The following ADAMTS14 variants were observed in gnomAD, a reference collection of about 807,000 sequenced individuals.
The protein encoded by ADAMTS14 is A disintegrin and metalloproteinase with thrombospondin motifs 14.
ADAMTS14 carries 100 observed loss-of-function variants against 128.6 expected under a neutral mutation model. The observed-to-expected ratio is 0.78, with a 90% CI of 0.66 to 0.92. The LOEUF is 0.92. ADAMTS14 is among the 40% of genes least tolerant of loss of function. ADAMTS14 has a pLI of 0.00. For missense variants in ADAMTS14, 1,562 were observed against 1,658.6 expected, an observed-to-expected ratio of 0.94 and a Z score of 1.01; for synonymous variants, 665 against 653.8, an observed-to-expected ratio of 1.02 and a Z score of -0.26.
intron 2 of ADAMTS14, among the ~76,000 whole-genome samples, chr10:70,676,407 C>T (rs1258244298): frequency 6.6e-6 from 1 of 152,146 alleles, no homozygotes; most frequent in Non-Finnish European, 1.5e-5. Flanking sequence ...TTTGCCTTCC[C>T]CAGAATAAAT....
In ADAMTS14 at chr10:70,672,781, G is replaced by A; in HGVS notation, c.-22G>A. The A allele has an allele frequency of 6.7e-7, 1 of 1,496,610 alleles. No individual in the cohort carries two copies. Among genetic ancestry groups the A allele is most frequent in the East Asian group, 2.9e-5 (1 of 34,914 alleles). The allele number at this position is 1,496,610 out of a possible 1,614,324, so 92.7% of individuals were successfully genotyped here. On this transcript the variant is annotated 5_prime_UTR_variant, in exon 1 of 22. Transcript: ENST00000373207. ...GACTTGGGGATCGGGCGCTTGCCCA[G>A]CCCGCGTCCCAGCGCGGCCACATGG...
intron 16 of ADAMTS14, 142 bp from the exon 17 acceptor site, chr10:70,751,336 C>A (rs1193666436): frequency 1.2e-6 from 1 of 817,308 alleles, no homozygotes; most frequent in Non-Finnish European, 1.9e-6. Flanking sequence ...TACCATACCC[C>A]AGCCATGCTG....
Position 70,703,609 on chromosome 10 carries a change from C to T in ADAMTS14, c.679+1141C>T, listed in dbSNP as rs572135467. The stretch of plus-strand genomic sequence containing the variant: ...CTCTCCACCAGGGTTGAGAAGAGGG[C>T]TGAGTCTCCCCTGGGCTCCATTTTT... On this transcript the variant is annotated intron_variant, in intron 3 of 21. Coordinates refer to ENST00000373207, the MANE Select transcript of ADAMTS14 (RefSeq NM_080722.4). Among the ~76,000 whole-genome samples the T allele has an allele frequency of 2.0e-5, 3 of 152,308 alleles. No homozygotes were observed. In the East Asian group the frequency reaches 5.8e-4, roughly 29 times the overall value.
chr10:70,756,689 T>C (rs1192577683), intron 19 of ADAMTS14, among the ~76,000 whole-genome samples: 1 of 152,206 alleles, frequency 6.6e-6, no homozygotes, highest in East Asian at 1.9e-4. Context: ...TGAGTGATGG[T>C]GCTATGGAAA....
intron 4 of ADAMTS14, among the ~76,000 whole-genome samples, chr10:70,718,832 G>A (rs898671352): frequency 6.6e-6 from 1 of 151,858 alleles, no homozygotes; most frequent in African/African-American, 2.4e-5. Flanking sequence ...GTACCACCAT[G>A]CTTGCCTAAT....
intron 4 of ADAMTS14, among the ~76,000 whole-genome samples, chr10:70,709,035 G>C (rs1208835277): frequency 6.6e-6 from 1 of 152,238 alleles, no homozygotes; most frequent in Non-Finnish European, 1.5e-5. Flanking sequence ...TACCTGGGCT[G>C]AGGTGACCCA....
intron 13 of ADAMTS14, 71 bp from the exon 14 acceptor site, chr10:70,743,995 G>T: frequency 6.6e-7 from 1 of 1,523,064 alleles, no homozygotes; most frequent in Non-Finnish European, 8.9e-7. Flanking sequence ...GCCTGGGGAT[G>T]GGAATGGGAG....
At chr10:70,741,877 G>A (rs995358760) in intron 12 of ADAMTS14, among the ~76,000 whole-genome samples, 2 of 152,114 alleles carry the variant, frequency 1.3e-5, no homozygotes, top group Admixed American at 6.5e-5. Flanking sequence ...TCAGAGCCTC[G>A]GCTGGAAGAG....
chr10:70,700,303 TG>T (rs1405156054), intron 2 of ADAMTS14, among the ~76,000 whole-genome samples: 1 of 152,148 alleles, frequency 6.6e-6, no homozygotes, highest in Admixed American at 6.5e-5. Context: ...CACCCTCACC[TG>T]GGGGTCCTTC....
At chr10:70,736,566 C>T in intron 9 of ADAMTS14, 114 bp from the exon 10 acceptor site, 1 of 908,382 alleles carries the variant, frequency 1.1e-6, no homozygotes, top group Non-Finnish European at 1.6e-6. Flanking sequence ...GCTGCCTTCC[C>T]TGCAGTGCCC....
At chr10:70,723,563 T>C (rs1316845294) in intron 4 of ADAMTS14, among the ~76,000 whole-genome samples, 2 of 152,202 alleles carry the variant, frequency 1.3e-5, no homozygotes, top group Non-Finnish European at 2.9e-5. Context: ...TAATAGGAAT[T>C]CCAGGCCATT....
At chr10:70,745,529 G>A (rs1842151973) in intron 15 of ADAMTS14, 2 of 580,808 alleles carry the variant, frequency 3.4e-6, no homozygotes, top group South Asian at 1.9e-5. Flanking sequence ...CTAGTAAAGA[G>A]TCCCCTTTCT....
intron 2 of ADAMTS14, among the ~76,000 whole-genome samples, chr10:70,675,458 C>T (rs1839617018): frequency 6.6e-6 from 1 of 152,152 alleles, no homozygotes; most frequent in Non-Finnish European, 1.5e-5. Context: ...ATATGGCCTG[C>T]CTAACTGGGC....
Position 70,749,944 on chromosome 10 carries a change from C to T in ADAMTS14, c.2386C>T (p.Leu796Phe), listed in dbSNP as rs766769768. 12 of 1,614,136 alleles carry T rather than the reference C, an allele frequency of 7.4e-6. No homozygotes were observed. The South Asian group carries it at 1.1e-4, about 15-fold the overall frequency. Residue 796 changes from leucine (L) to phenylalanine (F), a missense_variant, in exon 16 of 22, where the codon CTC becomes TTC. Transcript: ENST00000373207. Reference sequence around the variant, plus strand: ...TGCGGTGGAGGATGCCAAGGAAAGCCTCAAGACCAGCGGGCCCCTGCCTGA... The same window carrying T: ...TGCGGTGGAGGATGCCAAGGAAAGCTTCAAGACCAGCGGGCCCCTGCCTGA... ...EDAVEDAKES[L>F]KTSGPLPEAI...
intron 16 of ADAMTS14, 23 bp downstream of exon 16, chr10:70,750,008 G>C: frequency 2.5e-6 from 4 of 1,609,504 alleles, no homozygotes; most frequent in Non-Finnish European, 3.4e-6. Flanking sequence ...CTGTGCGGTG[G>C]CAACCCCTGC....
rs558657893 is a variant in ADAMTS14, at chr10:70,712,575, A to G, written c.870+3797A>G. Among the ~76,000 whole-genome samples the G allele has an allele frequency of 1.2e-4, 19 of 152,300 alleles. 1 individual carries two copies. In the East Asian group the frequency reaches 3.5e-3, roughly 28 times the overall value. ...TTTTATAATGAATGTGCAAAAGGAG[A>G]CAAAATTGATGTTGTGTAGGGTGGG... On this transcript the variant is annotated intron_variant, in intron 4 of 21. Coordinates refer to ENST00000373207, the MANE Select transcript of ADAMTS14 (RefSeq NM_080722.4).
chr10:70,701,262 A>G (rs546045785), intron 2 of ADAMTS14, among the ~76,000 whole-genome samples: 5 of 152,364 alleles, frequency 3.3e-5, no homozygotes, highest in African/African-American at 1.2e-4. Context: ...TGGAGTTCCA[A>G]TTCAAATGGA....
At chr10:70,727,533 C>T (rs774134066) in intron 4 of ADAMTS14, among the ~76,000 whole-genome samples, 4 of 151,802 alleles carry the variant, frequency 2.6e-5, no homozygotes, top group African/African-American at 7.3e-5. Flanking sequence ...CCTCCCTAAC[C>T]GCACTGCTGG....
chr10:70,720,936 G>A (rs142499410), intron 4 of ADAMTS14, among the ~76,000 whole-genome samples: 71 of 150,818 alleles, frequency 4.7e-4, no homozygotes, highest in African/African-American at 1.7e-3. Context: ...CCTTAAGAAC[G>A]AAAAAGTGTT....
Sources: allele counts gnomAD v4.1 joint callset (sites outside exome capture counted in the v4.1 genomes callset), GRCh38; gene constraint gnomAD v4.1.1; transcripts MANE v1.5; gene names NCBI Gene and HGNC (gene_info 2026-07-23, HGNC 2026-07-21).